The following VPS53 variants were observed in gnomAD, a reference collection of about 807,000 sequenced individuals.
VPS53 encodes the protein VPS53 subunit of GARP complex.
A neutral mutation model predicts 107.0 loss-of-function variants in VPS53; 70 were observed. The observed-to-expected ratio is 0.65, with a 90% CI of 0.54 to 0.80. VPS53 has a LOEUF of 0.80. VPS53 is among the 30% of genes least tolerant of loss of function. VPS53 has a pLI of 0.00. For missense variants in VPS53, 917 were observed against 1,049.4 expected, an observed-to-expected ratio of 0.87 and a Z score of 1.74; for synonymous variants, 409 against 393.3, an observed-to-expected ratio of 1.04 and a Z score of -0.47.
intron 10 of VPS53, among the ~76,000 whole-genome samples, chr17:626,839 G>GAT (rs1229302282): frequency 6.6e-6 from 1 of 152,174 alleles, no homozygotes; most frequent in Non-Finnish European, 1.5e-5. Flanking sequence ...ATGATGATGG[G>GAT]ATATATACAC....
At chr17:591,012 C>G (rs2143002361) in intron 12 of VPS53, among the ~76,000 whole-genome samples, 1 of 152,114 alleles carries the variant, frequency 6.6e-6, no homozygotes, top group African/African-American at 2.4e-5. Flanking sequence ...TGGTCCTGGA[C>G]TCTTTTTCGT....
At chr17:634,303 A>T (rs1341674793) in intron 7 of VPS53, among the ~76,000 whole-genome samples, 1 of 152,214 alleles carries the variant, frequency 6.6e-6, no homozygotes, top group African/African-American at 2.4e-5. Context: ...ACCAGAGACA[A>T]AAAAGAGGAA....
intron 10 of VPS53, among the ~76,000 whole-genome samples, chr17:626,550 T>G (rs1471053273): frequency 6.6e-6 from 1 of 152,200 alleles, no homozygotes; most frequent in East Asian, 1.9e-4. Flanking sequence ...TACACACACC[T>G]GTAATCCTTG....
chr17:551,353 C>G (rs969139599), intron 17 of VPS53, among the ~76,000 whole-genome samples: 1 of 152,090 alleles, frequency 6.6e-6, no homozygotes, highest in South Asian at 2.1e-4. Context: ...GACTGCTTGA[C>G]GCCAGGAGTT....
At chr17:703,987 T>G (rs1053782546) in intron 2 of VPS53, among the ~76,000 whole-genome samples, 4 of 151,336 alleles carry the variant, frequency 2.6e-5, no homozygotes, top group Admixed American at 6.6e-5. Flanking sequence ...GGATCTTGGG[T>G]TTTTTTTTCT....
chr17:519,324 G>A lies in VPS53; in HGVS notation c.2329-26C>T, dbSNP rs962289475. 39 of 1,453,980 alleles carry A rather than the reference G, an allele frequency of 2.7e-5. No homozygotes were observed. In the African/African-American group the frequency reaches 4.0e-4, roughly 15 times the overall value. The allele number at this position is 1,453,980 out of a possible 1,614,324, so 90.1% of individuals were successfully genotyped here. On this transcript the variant is annotated intron_variant, in intron 21 of 21. Coordinates refer to ENST00000437048, the MANE Select transcript of VPS53 (RefSeq NM_001128159.3). The surrounding 1 kb of genome is among the most constrained non-coding windows in gnomAD (Gnocchi z 5.0). ...CTGAGGTTGAGAGAGAAACAGAACC[G>A]TCACGAAGTCTGGGCCAGAATGGCC...
chr17:564,687 A>AG (rs1842358383), intron 13 of VPS53, among the ~76,000 whole-genome samples: 1 of 152,094 alleles, frequency 6.6e-6, no homozygotes, highest in Non-Finnish European at 1.5e-5. Context: ...ACTGCATTCC[A>AG]GCCTGGGCAA....
In VPS53 at chr17:514,795, T is replaced by A. The variant is rs562097083; in HGVS notation, c.*4333A>T. 6.6e-6 allele frequency: 1 copy of A among 152,362 alleles called. No individual in the cohort carries two copies. 9.4% of individuals were successfully genotyped at this position (152,362 alleles called of 1,614,324 possible). On this transcript the variant is annotated 3_prime_UTR_variant, in exon 22 of 22. Coordinates refer to ENST00000437048, the MANE Select transcript of VPS53 (RefSeq NM_001128159.3). The stretch of plus-strand genomic sequence containing the variant: ...TGTCTGCTCTCAGTCCTGTCTGATC[T>A]GCACAGAGGAGCCACCCTAGACATA...
intron 11 of VPS53, among the ~76,000 whole-genome samples, chr17:621,026 T>A (rs1489354170): frequency 6.6e-6 from 1 of 152,152 alleles, no homozygotes; most frequent in East Asian, 1.9e-4. Flanking sequence ...TGTAAATGCA[T>A]TTGTATAAGA....
At chr17:611,036 T>C (rs34445183) in intron 11 of VPS53, among the ~76,000 whole-genome samples, 29,950 of 151,768 alleles carry the variant, frequency 0.2, 3,286 homozygotes, top group Admixed American at 0.31. Context: ...GGGCAAAAAA[T>C]GTGAATAGAC....
chr17:622,542 G>C (rs1969512291), intron 11 of VPS53, among the ~76,000 whole-genome samples: 1 of 152,112 alleles, frequency 6.6e-6, no homozygotes, highest in Non-Finnish European at 1.5e-5. Flanking sequence ...AGACGGATGA[G>C]TCAGCTACAA....
intron 17 of VPS53, among the ~76,000 whole-genome samples, chr17:546,329 T>TCACA (rs71371545): frequency 0.2 from 25,942 of 131,588 alleles, 2,679 homozygotes; most frequent in Middle Eastern, 0.24. Context: ...CTTAGATATC[T>TCACA]CACACACACA....
chr17:657,456 G>A (rs987159615), intron 5 of VPS53: 27 of 1,152,838 alleles, frequency 2.3e-5, no homozygotes, highest in Admixed American at 6.8e-5. Flanking sequence ...ACTGGTGGAC[G>A]GACGAGGAGC....
chr17:635,498 T>C (rs528292380), intron 7 of VPS53, among the ~76,000 whole-genome samples: 97 of 152,344 alleles, frequency 6.4e-4, no homozygotes, highest in East Asian at 1.3e-3. Context: ...TGGTATTGCC[T>C]AGGTTTTCTT....
intron 16 of VPS53, chr17:552,750 G>A: frequency 4.7e-6 from 1 of 213,550 alleles, no homozygotes; most frequent in Admixed American, 5.5e-5. Flanking sequence ...AACTGCATCT[G>A]AGGAGGTACA....
chr17:553,299 T>C (rs1912029191), intron 16 of VPS53, 81 bp downstream of exon 16: 10 of 1,356,114 alleles, frequency 7.4e-6, no homozygotes, highest in East Asian at 2.3e-5. Flanking sequence ...CGAGCAAGCG[T>C]GTGCAGGGTA....
At chr17:661,390 A>T (rs1454881690) in intron 5 of VPS53, among the ~76,000 whole-genome samples, 3 of 151,654 alleles carry the variant, frequency 2.0e-5, no homozygotes, top group African/African-American at 7.3e-5. Flanking sequence ...GCGTGGTGGC[A>T]GGCGCCTGTA....
chr17:528,213 A>G (rs1188227978), intron 19 of VPS53, among the ~76,000 whole-genome samples: 1 of 152,178 alleles, frequency 6.6e-6, no homozygotes, highest in Non-Finnish European at 1.5e-5. Context: ...AGAACACATT[A>G]TCACCCCAGA....
chr17:695,686 A>T (rs895106479), intron 4 of VPS53, among the ~76,000 whole-genome samples: 1 of 151,960 alleles, frequency 6.6e-6, no homozygotes, highest in African/African-American at 2.4e-5. Context: ...AGTAGCTGGG[A>T]CTACAGGCAC....
Sources: gnomAD v4.1 joint callset for allele counts (sites outside exome capture counted in the v4.1 genomes callset) on GRCh38, gnomAD v4.1.1 for gene constraint, Gnocchi (gnomAD v3.1) non-coding constraint, MANE v1.5 for transcripts, NCBI Gene and HGNC (gene_info 2026-07-23, HGNC 2026-07-21) for gene names.